The following PIEZO2 variants were observed in gnomAD, a reference collection of about 807,000 sequenced individuals.
PIEZO2 encodes the protein piezo type mechanosensitive ion channel component 2, also known as piezo-type mechanosensitive ion channel component 2.
PIEZO2 carries 172 observed loss-of-function variants against 337.3 expected under a neutral mutation model. The ratio of observed to expected loss-of-function variants is 0.51; its 90% CI spans 0.45 to 0.58. The LOEUF is 0.58. Among genes scored for constraint, PIEZO2 ranks in the 20% least tolerant of loss-of-function variants. The pLI is 0.00. For missense variants in PIEZO2, 3,028 were observed against 3,391.3 expected, an observed-to-expected ratio of 0.89 and a Z score of 2.66; for synonymous variants, 1,251 against 1,228.5, an observed-to-expected ratio of 1.02 and a Z score of -0.38.
At chr18:11,050,077 C>T (rs1486634587) in intron 2 of PIEZO2, among the ~76,000 whole-genome samples, 1 of 151,998 alleles carries the variant, frequency 6.6e-6, no homozygotes, top group Non-Finnish European at 1.5e-5. Context: ...TATAAGGCAA[C>T]AATGGAATAT....
In PIEZO2 at chr18:11,038,387, A is replaced by G. The variant is rs963370428; in HGVS notation, c.160+27740T>C. Among the ~76,000 whole-genome samples the G allele has an allele frequency of 6.6e-6, 1 of 152,198 alleles. No individual in the cohort carries two copies. The highest frequency in any genetic ancestry group is 2.4e-5 in the African/African-American group (1 of 41,448). Reference sequence around the variant, plus strand: ...TAACTCAAACTTACTCAATGACAGGAAATTAAAAGGTAACCATTCCCATGC... The same window carrying G: ...TAACTCAAACTTACTCAATGACAGGGAATTAAAAGGTAACCATTCCCATGC... On this transcript the variant is annotated intron_variant, in intron 2 of 55. Transcript: ENST00000674853. This position sits in a 1 kb window ranked among gnomAD's most constrained non-coding sequence, Gnocchi z 4.1.
intron 2 of PIEZO2, among the ~76,000 whole-genome samples, chr18:11,010,453 C>A (rs937333086): frequency 2.0e-5 from 3 of 152,152 alleles, no homozygotes; most frequent in Non-Finnish European, 4.4e-5. Context: ...CTCTAAGAGC[C>A]AAGTCTGACT....
At chr18:10,983,685 C>G (rs574540504) in intron 2 of PIEZO2, among the ~76,000 whole-genome samples, 7 of 152,096 alleles carry the variant, frequency 4.6e-5, no homozygotes, top group African/African-American at 1.7e-4. Flanking sequence ...GCCTGAGGAC[C>G]CCCACAACCA....
chr18:10,983,561 G>C (rs1343513554), intron 2 of PIEZO2, among the ~76,000 whole-genome samples: 1 of 152,008 alleles, frequency 6.6e-6, no homozygotes, highest in Non-Finnish European at 1.5e-5. Context: ...TAGGAGCAGG[G>C]AGAAGAGAGT....
intron 7 of PIEZO2, among the ~76,000 whole-genome samples, chr18:10,807,475 T>C (rs928350266): frequency 6.6e-6 from 1 of 152,240 alleles, no homozygotes; most frequent in Non-Finnish European, 1.5e-5. Context: ...AATATGCATA[T>C]AATATATACA....
rs200399985 is a variant in PIEZO2, at chr18:11,035,314, C to T, written c.160+30813G>A. 2.0e-5 allele frequency among the ~76,000 whole-genome samples: 3 copies of T among 149,674 alleles called. No homozygotes were observed. Among genetic ancestry groups the T allele is most frequent in the Non-Finnish European group, 4.5e-5 (3 of 67,286 alleles). On this transcript the variant is annotated intron_variant, in intron 2 of 55. Transcript: ENST00000674853. This position sits in a 1 kb window ranked among gnomAD's most constrained non-coding sequence, Gnocchi z 4.3. ...AAGCCTGGCACCTTCTCTCTCTCTC[C>T]CTCTCTCTCTCTCTCTCTCTTTCTC... is the stretch of plus-strand genomic sequence containing the variant.
At chr18:10,879,676 T>C (rs1409856261) in intron 4 of PIEZO2, among the ~76,000 whole-genome samples, 2 of 152,170 alleles carry the variant, frequency 1.3e-5, no homozygotes, top group Admixed American at 6.5e-5. Context: ...ATTACAGGCG[T>C]GAGCCACCGT....
intron 3 of PIEZO2, among the ~76,000 whole-genome samples, chr18:10,920,329 C>G (rs1331548548): frequency 6.6e-6 from 1 of 152,024 alleles, no homozygotes; most frequent in Non-Finnish European, 1.5e-5. Context: ...CCCCCACAGC[C>G]CAGTGTCTTT....
rs2041381116 is a variant in PIEZO2, at chr18:10,846,864, G to T, written c.917+8489C>A. ...CTTTATGTGCACAGGGGAACTGCAG[G>T]CATGATGGGAGATAAGGCTAGAACT... On this transcript the variant is annotated intron_variant, in intron 7 of 55. Transcript: ENST00000674853. The surrounding 1 kb of genome is among the most constrained non-coding windows in gnomAD (Gnocchi z 4.1). 6.6e-6 allele frequency among the ~76,000 whole-genome samples: 1 copy of T among 152,154 alleles called. No individual in the cohort carries two copies. The highest frequency in any genetic ancestry group is 1.5e-5 in the Non-Finnish European group (1 of 68,034).
At chr18:10,763,217 G>A (rs1016737241) in intron 21 of PIEZO2, 119 bp from the exon 22 acceptor site, 6 of 1,129,554 alleles carry the variant, frequency 5.3e-6, no homozygotes, top group Non-Finnish European at 7.5e-6. Flanking sequence ...TGGATTCCTA[G>A]CATGCGCAAG....
At chr18:10,898,393 C>A (rs1252479292) in intron 4 of PIEZO2, among the ~76,000 whole-genome samples, 4 of 151,828 alleles carry the variant, frequency 2.6e-5, no homozygotes, top group African/African-American at 9.7e-5. Flanking sequence ...TGCACTCCAG[C>A]CTGGGCGACA....
At chr18:10,889,620 G>T (rs766057495) in intron 4 of PIEZO2, among the ~76,000 whole-genome samples, 18 of 152,160 alleles carry the variant, frequency 1.2e-4, no homozygotes, top group African/African-American at 4.3e-4. Context: ...CCAACATTTC[G>T]TGGCTCTGAA....
In PIEZO2 at chr18:10,795,368, T is replaced by C. The variant is rs146122818; in HGVS notation, c.1528-366A>G. Among the ~76,000 whole-genome samples the C allele has an allele frequency of 0.046, 2,271 of 49,474 alleles. 125 individuals are homozygous for C. Among genetic ancestry groups the C allele is most frequent in the African/African-American group, 0.12 (2,142 of 18,060 alleles). The allele number at this position is 49,474 out of a possible 152,430, so 32.5% of individuals were successfully genotyped here. The stretch of plus-strand genomic sequence containing the variant: ...TTTATTTTATTATTTTATTTTATTT[T>C]ATTTTATTTTATTTTATTTTATTTT... On this transcript the variant is annotated intron_variant, in intron 12 of 55. Coordinates refer to ENST00000674853, the MANE Select transcript of PIEZO2 (RefSeq NM_001378183.1). The surrounding 1 kb of genome is among the most constrained non-coding windows in gnomAD (Gnocchi z 4.4).
Position 10,943,443 on chromosome 18 carries a change from G to A in PIEZO2, c.287-32215C>T, listed in dbSNP as rs1322786854. ...TCGAGTCACAGGAGACCATTTCGGA[G>A]CTTTAAGATTTGACTGCCCTGCTGG... On this transcript the variant is annotated intron_variant, in intron 3 of 55. Transcript: ENST00000674853. The surrounding 1 kb of genome is among the most constrained non-coding windows in gnomAD (Gnocchi z 4.5). Among the ~76,000 whole-genome samples, 1 of 152,222 alleles carries A rather than the reference G, an allele frequency of 6.6e-6. No homozygotes were observed. Among genetic ancestry groups the A allele is most frequent in the African/African-American group, 2.4e-5 (1 of 41,462 alleles).
intron 16 of PIEZO2, among the ~76,000 whole-genome samples, chr18:10,786,438 C>T (rs900114477): frequency 1.3e-5 from 2 of 152,194 alleles, no homozygotes; most frequent in African/African-American, 4.8e-5. Context: ...TTCTAAGGGA[C>T]AGAGACTTTT....
At chr18:10,949,904 GA>G (rs1356935280) in intron 3 of PIEZO2, among the ~76,000 whole-genome samples, 1 of 152,192 alleles carries the variant, frequency 6.6e-6, no homozygotes, top group Non-Finnish European at 1.5e-5. Context: ...CTCTGGCTCA[GA>G]AGGCCTTCTA....
chr18:10,913,339 C>T (rs1440520841), intron 3 of PIEZO2, among the ~76,000 whole-genome samples: 1 of 152,034 alleles, frequency 6.6e-6, no homozygotes, highest in Non-Finnish European at 1.5e-5. Context: ...ATGAGGGTCT[C>T]CTACCAAAAT....
intron 1 of PIEZO2, among the ~76,000 whole-genome samples, chr18:11,068,191 A>G (rs1366935660): frequency 6.6e-6 from 1 of 152,222 alleles, no homozygotes; most frequent in African/African-American, 2.4e-5. Flanking sequence ...AAGTGCTGGG[A>G]TTACAGGTGT....
intron 2 of PIEZO2, among the ~76,000 whole-genome samples, chr18:10,986,414 T>G (rs1007898409): frequency 6.6e-6 from 1 of 152,024 alleles, no homozygotes; most frequent in Non-Finnish European, 1.5e-5. Flanking sequence ...ATCTCTGGAT[T>G]GTAAGGATGA....
Sources: gnomAD v4.1 joint callset for allele counts (sites outside exome capture counted in the v4.1 genomes callset) on GRCh38, gnomAD v4.1.1 for gene constraint, Gnocchi (gnomAD v3.1) non-coding constraint, MANE v1.5 for transcripts, NCBI Gene and HGNC (gene_info 2026-07-23, HGNC 2026-07-21) for gene names.